LIPA: variants seen among roughly 807,000 people sequenced by gnomAD.
LIPA encodes the protein lysosomal acid lipase/cholesteryl ester hydrolase.
In LIPA, 26 loss-of-function variants were observed where a neutral mutation model predicts 40.6. The ratio of observed to expected loss-of-function variants is 0.64; its 90% CI spans 0.47 to 0.89. LIPA has a LOEUF of 0.89. Among genes scored for constraint, LIPA ranks in the 40% least tolerant of loss-of-function variants. The probability of loss-of-function intolerance (pLI) is 0.00; values close to 1 mark genes in which losing one functional copy is unlikely to be tolerated. For missense variants in LIPA, 455 were observed against 479.6 expected (o/e 0.95, Z 0.48); for synonymous variants, 188 against 168.4 (o/e 1.12, Z -0.90).
intron 1 of LIPA, among the ~76,000 whole-genome samples, chr10:89,293,403 T>C (rs1843387997): frequency 6.6e-6 from 1 of 152,180 alleles, no homozygotes; most frequent in South Asian, 2.1e-4. Flanking sequence ...CCGGCCCCCT[T>C]TTCTCCACCC....
At chr10:89,392,411 A>G (rs892050741) in intron 2 of LIPA, 2 of 401,210 alleles carry the variant, frequency 5.0e-6, no homozygotes, top group Non-Finnish European at 9.1e-6. Flanking sequence ...CACTAGAAAC[A>G]TCTATGGTTG....
intron 2 of LIPA, among the ~76,000 whole-genome samples, chr10:89,409,833 C>T (rs1375709715): frequency 6.6e-6 from 1 of 152,148 alleles, no homozygotes; most frequent in Non-Finnish European, 1.5e-5. Context: ...AGTCCCACAC[C>T]CTTATTAGGG....
intron 8 of LIPA, among the ~76,000 whole-genome samples, chr10:89,222,073 G>C (rs929626488): frequency 6.6e-6 from 1 of 152,182 alleles, no homozygotes; most frequent in Admixed American, 6.5e-5. Flanking sequence ...AGCATATTGT[G>C]ATCAGGGGTT....
chr10:89,234,394 G>A (rs1403014462), intron 3 of LIPA, among the ~76,000 whole-genome samples: 1 of 152,216 alleles, frequency 6.6e-6, no homozygotes, highest in African/African-American at 2.4e-5. Context: ...AGTCTCTTCT[G>A]AGGAGGGAGA....
intron 1 of LIPA, among the ~76,000 whole-genome samples, chr10:89,279,999 A>T (rs572816314): frequency 2.6e-4 from 40 of 152,356 alleles, no homozygotes; most frequent in African/African-American, 9.4e-4. Flanking sequence ...TAATCTGAAA[A>T]TGACTTAAAT....
chr10:89,319,669 T>C (rs954494796), intron 1 of LIPA, among the ~76,000 whole-genome samples: 1 of 152,112 alleles, frequency 6.6e-6, no homozygotes, highest in African/African-American at 2.4e-5. Context: ...CTGAAACTAT[T>C]CCAATCAATA....
At chr10:89,354,613 G>C (rs1843979758) in intron 2 of LIPA, among the ~76,000 whole-genome samples, 1 of 152,210 alleles carries the variant, frequency 6.6e-6, no homozygotes, top group Admixed American at 6.5e-5. Flanking sequence ...TGTCGCCCAA[G>C]TTGGAGTGCA....
chr10:89,353,184 G>A (rs1404434843), intron 2 of LIPA, among the ~76,000 whole-genome samples: 2 of 152,126 alleles, frequency 1.3e-5, no homozygotes, highest in Non-Finnish European at 2.9e-5. Flanking sequence ...GCCAGGGAAG[G>A]GCCATCTCCC....
At chr10:89,413,671 G>GT (rs1841497211) in intron 1 of LIPA, among the ~76,000 whole-genome samples, 1 of 151,856 alleles carries the variant, frequency 6.6e-6, no homozygotes. Context: ...GGAGGCTGAG[G>GT]TGGGAGGATC....
chr10:89,234,249 C>T (rs111966601), intron 3 of LIPA, among the ~76,000 whole-genome samples: 15 of 152,228 alleles, frequency 9.9e-5, no homozygotes, highest in East Asian at 1.9e-4. Flanking sequence ...CTGATTCTGA[C>T]GCGCAGCCAG....
At chr10:89,322,971 A>G (rs1305893315) in intron 1 of LIPA, among the ~76,000 whole-genome samples, 1 of 152,184 alleles carries the variant, frequency 6.6e-6, no homozygotes, top group Non-Finnish European at 1.5e-5. Context: ...CAGAGAGCAC[A>G]GCCTCCTGTT....
intron 1 of LIPA, among the ~76,000 whole-genome samples, chr10:89,259,120 G>A (rs1843194795): frequency 6.6e-6 from 1 of 152,162 alleles, no homozygotes; most frequent in South Asian, 2.1e-4. Flanking sequence ...AATGATAGTT[G>A]CACAGCTCTG....
chr10:89,267,729 T>TA (rs56037485), intron 1 of LIPA, among the ~76,000 whole-genome samples: 2,824 of 121,652 alleles, frequency 0.023, 53 homozygotes, highest in Middle Eastern at 0.089. Flanking sequence ...TAAAGTATAA[T>TA]AAAAAAAAAA....
At chr10:89,328,337 A>G (rs1490299333) in intron 1 of LIPA, among the ~76,000 whole-genome samples, 3 of 152,140 alleles carry the variant, frequency 2.0e-5, no homozygotes, top group African/African-American at 7.2e-5. Context: ...GCATCAGCTC[A>G]TGTTTCCTCC....
chr10:89,306,008 T>C (rs1273519625), intron 1 of LIPA: 2 of 1,613,860 alleles, frequency 1.2e-6, no homozygotes, highest in African/African-American at 1.3e-5. Flanking sequence ...GCAACTAAAA[T>C]GCCATTTCAC....
At chr10:89,265,461 A>G (rs1843231141) in intron 1 of LIPA, among the ~76,000 whole-genome samples, 1 of 152,182 alleles carries the variant, frequency 6.6e-6, no homozygotes, top group African/African-American at 2.4e-5. Flanking sequence ...ATCAGTAAAC[A>G]TATCCTTTTG....
At chr10:89,231,680 G>A (rs1231660058) in intron 3 of LIPA, among the ~76,000 whole-genome samples, 2 of 152,110 alleles carry the variant, frequency 1.3e-5, no homozygotes, top group Non-Finnish European at 2.9e-5. Context: ...GTCTTACTAT[G>A]TTGCCCAGGC....
intron 1 of LIPA, among the ~76,000 whole-genome samples, chr10:89,315,361 C>T (rs1178057161): frequency 6.6e-6 from 1 of 152,158 alleles, no homozygotes; most frequent in African/African-American, 2.4e-5. Context: ...CTTTCTTAGA[C>T]TATAACAACC....
chr10:89,229,769 G>A (rs1465628017), intron 3 of LIPA, among the ~76,000 whole-genome samples: 4 of 133,042 alleles, frequency 3.0e-5, no homozygotes, highest in South Asian at 2.3e-4. Flanking sequence ...AAAAAAAAAA[G>A]GGAACCCTAA....
Sources: allele counts gnomAD v4.1 joint callset (sites outside exome capture counted in the v4.1 genomes callset), GRCh38; gene constraint gnomAD v4.1.1; transcripts MANE v1.5; gene names NCBI Gene and HGNC (gene_info 2026-07-23, HGNC 2026-07-21).